Variants in NACC2 observed in about 807,000 individuals in gnomAD.
The protein encoded by NACC2 is nucleus accumbens-associated protein 2.
In NACC2, 8 loss-of-function variants were observed where a neutral mutation model predicts 25.1. The ratio of observed to expected loss-of-function variants is 0.32; its 90% CI spans 0.19 to 0.57. The LOEUF is 0.57. NACC2 is among the 20% of genes least tolerant of loss of function. The pLI is 0.89. For missense variants in NACC2, 644 were observed against 650.2 expected (o/e 0.99, Z 0.10); for synonymous variants, 435 against 294.7 (o/e 1.48, Z -4.88).
At position 136,012,106 on chromosome 9, in the gene NACC2, C is replaced by T. The variant is rs993871539; in HGVS notation, c.1256-82G>A. 5 of 1,423,930 alleles carry T rather than the reference C, an allele frequency of 3.5e-6. No individual in the cohort carries two copies. In the African/African-American group the frequency reaches 7.3e-5, roughly 21 times the overall value. 88.2% of individuals were successfully genotyped at this position (1,423,930 alleles called of 1,614,324 possible). ...CCCCAAGGCCACAGAACCATGATGCCCTGGATGAGCCTCCCCGGCCGCTCC... is the reference window on the plus strand; with the variant it reads ...CCCCAAGGCCACAGAACCATGATGCTCTGGATGAGCCTCCCCGGCCGCTCC... On this transcript the variant is annotated intron_variant, in intron 5 of 5. Transcript: ENST00000277554.
At position 136,008,049 on chromosome 9, in the gene NACC2, A is replaced by T. The variant is rs1239831206; in HGVS notation, c.*3467T>A. On this transcript the variant is annotated 3_prime_UTR_variant, in exon 6 of 6. Coordinates refer to ENST00000277554, the MANE Select transcript of NACC2 (RefSeq NM_144653.5). ...GTTCTAGGAGCCCCGACCCGCAGTC[A>T]CCAACGCCGGCACCCCCAGGCGGGT... is the stretch of plus-strand genomic sequence containing the variant. 6.6e-6 allele frequency: 1 copy of T among 152,254 alleles called. No homozygotes were observed. The highest frequency in any genetic ancestry group is 1.5e-5 in the Non-Finnish European group (1 of 68,072). The allele number at this position is 152,254 out of a possible 1,614,324, so 9.4% of individuals were successfully genotyped here. A position where few individuals can be genotyped will look rare whatever the true frequency, so the allele number is the denominator to read the frequency against.
chr9:136,093,037 C>A (rs7044622), intron 1 of NACC2, among the ~76,000 whole-genome samples: 4,928 of 152,258 alleles, frequency 0.032, 253 homozygotes, highest in African/African-American at 0.11. Context: ...ACTGGGCACT[C>A]GGTGCCCTGT....
At chr9:136,088,388 C>T (rs1391009670) in intron 1 of NACC2, among the ~76,000 whole-genome samples, 1 of 152,184 alleles carries the variant, frequency 6.6e-6, no homozygotes, top group Non-Finnish European at 1.5e-5. Flanking sequence ...TTTGAGTCCA[C>T]ACAGCAATGC....
rs565698454 is a variant in NACC2, at chr9:136,048,951, C to G, written c.886+685G>C. Among the ~76,000 whole-genome samples, 3 of 152,356 alleles carry G rather than the reference C, an allele frequency of 2.0e-5. No homozygotes were observed. The East Asian group carries it at 5.8e-4, about 29-fold the overall frequency. ...CACACAGGCCCTGCATGCAGACCAG[C>G]CAGGTGGCCAGCCCAGACACACAGT... On this transcript the variant is annotated intron_variant, in intron 2 of 5. Transcript: ENST00000277554.
chr9:136,044,313 C>T (rs1005523382), intron 2 of NACC2, among the ~76,000 whole-genome samples: 16 of 152,096 alleles, frequency 1.1e-4, no homozygotes, highest in Non-Finnish European at 1.5e-4. Context: ...CCCAGGAATT[C>T]GAGGCCACCT....
At chr9:136,012,756 C>T (rs1011007095) in intron 5 of NACC2, among the ~76,000 whole-genome samples, 2 of 151,820 alleles carry the variant, frequency 1.3e-5, no homozygotes, top group South Asian at 2.1e-4. Flanking sequence ...TGGTGCGAGC[C>T]GGCAGCAGTC....
intron 2 of NACC2, among the ~76,000 whole-genome samples, chr9:136,033,484 T>C (rs1370130161): frequency 6.6e-6 from 1 of 151,664 alleles, no homozygotes; most frequent in Non-Finnish European, 1.5e-5. Flanking sequence ...ACTAAACCTC[T>C]ACTAAAAATA....
intron 1 of NACC2, among the ~76,000 whole-genome samples, chr9:136,056,396 C>T (rs1312318790): frequency 1.3e-5 from 2 of 152,200 alleles, no homozygotes; most frequent in Non-Finnish European, 2.9e-5. Context: ...TGCTCACCTC[C>T]CCGCTACTGG....
At chr9:136,090,876 G>A (rs1015974497) in intron 1 of NACC2, among the ~76,000 whole-genome samples, 2 of 151,572 alleles carry the variant, frequency 1.3e-5, no homozygotes, top group East Asian at 2.0e-4. Context: ...TGGCTTTGCC[G>A]TTCACCCCAG....
intron 1 of NACC2, among the ~76,000 whole-genome samples, chr9:136,063,448 A>G (rs1841039113): frequency 6.6e-6 from 1 of 152,028 alleles, no homozygotes; most frequent in Non-Finnish European, 1.5e-5. Flanking sequence ...AAGAGGGGCC[A>G]TTTTCCAGAT....
At chr9:136,026,268 CG>C (rs1564222513) in intron 2 of NACC2, among the ~76,000 whole-genome samples, 1 of 132,262 alleles carries the variant, frequency 7.6e-6, no homozygotes, top group African/African-American at 2.8e-5. Context: ...TTGAACCCAG[CG>C]GGGGTGGAGG....
intron 1 of NACC2, among the ~76,000 whole-genome samples, chr9:136,060,928 G>C (rs1841001293): frequency 6.6e-6 from 1 of 152,250 alleles, no homozygotes; most frequent in African/African-American, 2.4e-5. Flanking sequence ...CTGGGTACAG[G>C]GGTCCGGGGG....
intron 2 of NACC2, among the ~76,000 whole-genome samples, chr9:136,027,839 T>C (rs1221573968): frequency 1.3e-5 from 2 of 151,826 alleles, no homozygotes; most frequent in Non-Finnish European, 2.9e-5. Context: ...AAAGTAGAGA[T>C]AAACTGAAAT....
In NACC2 at chr9:136,022,811, C is replaced by G. The variant is rs1277435878; in HGVS notation, c.887-6382G>C. ...CAGAGGCCACAATTATAAGGCATGC[C>G]ATTCTCTCATGTGCCACAGGGCAAA... On this transcript the variant is annotated intron_variant, in intron 2 of 5. Coordinates refer to ENST00000277554, the MANE Select transcript of NACC2 (RefSeq NM_144653.5). This position sits in a 1 kb window ranked among gnomAD's most constrained non-coding sequence, Gnocchi z 4.4. Among the ~76,000 whole-genome samples the G allele has an allele frequency of 4.6e-5, 7 of 151,842 alleles. No individual in the cohort carries two copies. The highest frequency in any genetic ancestry group is 1.5e-4 in the African/African-American group (6 of 41,314).
At chr9:136,045,953 G>A (rs1394498945) in intron 2 of NACC2, among the ~76,000 whole-genome samples, 6 of 152,188 alleles carry the variant, frequency 3.9e-5, no homozygotes, top group South Asian at 4.1e-4. Context: ...GGGAAGCCCC[G>A]GCTCCCGGTG....
chr9:136,062,258 C>T (rs1442422032), intron 1 of NACC2, among the ~76,000 whole-genome samples: 1 of 152,120 alleles, frequency 6.6e-6, no homozygotes, highest in African/African-American at 2.4e-5. Context: ...AATACTTCCC[C>T]CCAACGCCAA....
rs1840627169 is a variant in NACC2, at chr9:136,041,196, C to G, written c.886+8440G>C. Reference sequence around the variant, plus strand: ...CAGCACTTTGGAAGGCCAAGACAGGCAGATCACTTGAGGTCAGGAGTTCGA... The same window carrying G: ...CAGCACTTTGGAAGGCCAAGACAGGGAGATCACTTGAGGTCAGGAGTTCGA... On this transcript the variant is annotated intron_variant, in intron 2 of 5. Coordinates refer to ENST00000277554, the MANE Select transcript of NACC2 (RefSeq NM_144653.5). Among the ~76,000 whole-genome samples, 4 of 152,216 alleles carry G rather than the reference C, an allele frequency of 2.6e-5. No homozygotes were observed. The South Asian group carries it at 8.3e-4, about 32-fold the overall frequency.
In NACC2 at chr9:136,013,925, G is replaced by C; in HGVS notation, c.1096C>G (p.Leu366Val). 1 of 1,612,898 alleles carries C rather than the reference G, an allele frequency of 6.2e-7. No individual in the cohort carries two copies. Among genetic ancestry groups the C allele is most frequent in the Non-Finnish European group, 8.5e-7 (1 of 1,179,964 alleles). The change falls in exon 4 of 6, where the codon CTG (leucine) becomes GTG (valine). Residue 366 changes from leucine to valine, a missense_variant. Coordinates refer to ENST00000277554, the MANE Select transcript of NACC2 (RefSeq NM_144653.5). This position sits in a 1 kb window ranked among gnomAD's most constrained non-coding sequence, Gnocchi z 6.6. The part of the protein sequence containing the change: ...ITRGQLMNCH[L>V]CAGVKHKVLL... ...ACCTTATGCTTCACCCCTGCACACAGGTGGCAGTTCATCAGCTGGCCGCGT... is the reference window on the plus strand; with the variant it reads ...ACCTTATGCTTCACCCCTGCACACACGTGGCAGTTCATCAGCTGGCCGCGT...
rs1043849649 is a variant in NACC2, at chr9:136,022,457, G to A, written c.887-6028C>T. On this transcript the variant is annotated intron_variant, in intron 2 of 5. Transcript: ENST00000277554. The surrounding 1 kb of genome is among the most constrained non-coding windows in gnomAD (Gnocchi z 4.4). ...CTCCTGATGGCCAGAGCCCAGGGCC[G>A]GCTGTGGGGCCAACTGGTGCAGACG... Among the ~76,000 whole-genome samples the A allele has an allele frequency of 3.3e-5, 5 of 152,208 alleles. No homozygotes were observed. Among genetic ancestry groups the A allele is most frequent in the East Asian group, 3.8e-4 (2 of 5,200 alleles).
Sources: allele counts gnomAD v4.1 joint callset (sites outside exome capture counted in the v4.1 genomes callset), GRCh38; gene constraint gnomAD v4.1.1; non-coding constraint Gnocchi (gnomAD v3.1); transcripts MANE v1.5; gene names NCBI Gene and HGNC (gene_info 2026-07-23, HGNC 2026-07-21).